COG6: variants seen among roughly 807,000 people sequenced by gnomAD.
COG6 encodes the protein conserved oligomeric Golgi complex subunit 6.
Under a neutral mutation model 88.8 loss-of-function variants are expected in COG6, and 74 were observed. The observed-to-expected ratio is 0.83, with a 90% CI of 0.69 to 1.01. The LOEUF is 1.01. COG6 is among the 50% of genes least tolerant of loss of function. The probability of loss-of-function intolerance (pLI) is 0.00; values close to 1 mark genes in which losing one functional copy is unlikely to be tolerated. For synonymous variants in COG6, 286 were observed against 278.7 expected (o/e 1.03, Z -0.26); for missense variants, 800 against 797.9 (o/e 1.00, Z -0.03).
At chr13:39,683,891 C>A (rs1333710210) in intron 8 of COG6, among the ~76,000 whole-genome samples, 1 of 152,056 alleles carries the variant, frequency 6.6e-6, no homozygotes, top group African/African-American at 2.4e-5. Flanking sequence ...AAGGTGGGTT[C>A]TTGAGTCAAA....
rs1880638754 is a variant in COG6, at chr13:39,751,636, C to T, written c.*543C>T. On this transcript the variant is annotated 3_prime_UTR_variant, in exon 19 of 19. Coordinates refer to ENST00000455146, the MANE Select transcript of COG6 (RefSeq NM_020751.3). The stretch of plus-strand genomic sequence containing the variant: ...GAGAAAAATAACAGTGAATGTGCTC[C>T]TGGTGTATATGGCAGTGAATCTCCT... The T allele has an allele frequency of 7.8e-7, 1 of 1,286,978 alleles. No homozygotes were observed. Among genetic ancestry groups the T allele is most frequent in the Non-Finnish European group, 1.0e-6 (1 of 988,586 alleles). The allele number at this position is 1,286,978 out of a possible 1,614,324, so 79.7% of individuals were successfully genotyped here.
intron 17 of COG6, among the ~76,000 whole-genome samples, chr13:39,726,454 C>T (rs1409776589): frequency 2.6e-5 from 4 of 151,742 alleles, no homozygotes; most frequent in South Asian, 2.1e-4. Context: ...GGAGTCCATC[C>T]CTTCATTCTA....
chr13:39,751,234 T>G lies in COG6; in HGVS notation c.*141T>G, dbSNP rs1453594193. 1.8e-5 allele frequency: 27 copies of G among 1,517,348 alleles called. No individual in the cohort carries two copies. Among genetic ancestry groups the G allele is most frequent in the Non-Finnish European group, 2.3e-5 (26 of 1,138,016 alleles). The allele number at this position is 1,517,348 out of a possible 1,614,324, so 94.0% of individuals were successfully genotyped here. A position where few individuals can be genotyped will look rare whatever the true frequency, so the allele number is the denominator to read the frequency against. On this transcript the variant is annotated 3_prime_UTR_variant, in exon 19 of 19. Transcript: ENST00000455146. ...AGATTGTAAGTCCCGATAATTTTTTTTTTTTTGGTCTCAGTAACAGGGAAG... is the reference window on the plus strand; with the variant it reads ...AGATTGTAAGTCCCGATAATTTTTTGTTTTTTGGTCTCAGTAACAGGGAAG...
intron 2 of COG6, 41 bp downstream of exon 2, chr13:39,659,548 C>T (rs1874762321): frequency 6.4e-7 from 1 of 1,556,130 alleles, no homozygotes; most frequent in Non-Finnish European, 8.8e-7. Context: ...TGAGAACTTA[C>T]TATTACGCCT....
Position 39,723,371 on chromosome 13 carries a change from C to A in COG6, c.1623C>A (p.Ala541=), listed in dbSNP as rs776252594. ...AHLDTLINEQ[A]SYVLTRVGLS... ...TGGACACACTTATAAATGAGCAAGC[C>A]TCTTATGTTTTAACTAGGGTAGGCT... The change falls in exon 16 of 19, where the codon GCC becomes GCA. Residue 541 remains alanine (A), a synonymous_variant. Coordinates refer to ENST00000455146, the MANE Select transcript of COG6 (RefSeq NM_020751.3). 6.2e-7 allele frequency: 1 copy of A among 1,611,440 alleles called. No homozygotes were observed. Among genetic ancestry groups the A allele is most frequent in the South Asian group, 1.1e-5 (1 of 91,048 alleles).
intron 18 of COG6, among the ~76,000 whole-genome samples, chr13:39,776,178 C>G (rs2138182884): frequency 6.6e-6 from 1 of 152,212 alleles, no homozygotes; most frequent in African/African-American, 2.4e-5. Flanking sequence ...TCAGCACTTT[C>G]CTTCCAGTGT....
At chr13:39,716,549 G>C (rs1013776076) in intron 13 of COG6, among the ~76,000 whole-genome samples, 12 of 151,592 alleles carry the variant, frequency 7.9e-5, no homozygotes, top group Non-Finnish European at 1.3e-4. Flanking sequence ...TTTGTTTTCT[G>C]TATGTCTTAA....
At chr13:39,658,552 C>T (rs1874681458) in intron 1 of COG6, among the ~76,000 whole-genome samples, 1 of 152,092 alleles carries the variant, frequency 6.6e-6, no homozygotes, top group Admixed American at 6.5e-5. Context: ...TTCTTGTACC[C>T]CTTTACCATT....
rs996658349 is a variant in COG6, at chr13:39,694,634, G to T, written c.1075G>T (p.Val359Phe). ...ACTTTCCTCTCACATATTTTAATAG[G>T]TTCGAATTGAGCAAGTAATAGTTGC... is the stretch of plus-strand genomic sequence containing the variant. Reference protein sequence around the residue: ...ITEGVCRPLKVRIEQVIVAEP... With the variant: ...ITEGVCRPLKFRIEQVIVAEP... Residue 359 changes from valine to phenylalanine, a missense_variant and splice_region_variant, in exon 12 of 19, where the codon GTT becomes TTT. Transcript: ENST00000455146. 1.8e-5 allele frequency: 28 copies of T among 1,570,082 alleles called. No individual in the cohort carries two copies. The highest frequency in any genetic ancestry group is 2.4e-5 in the Non-Finnish European group (27 of 1,142,450).
At chr13:39,774,561 T>C (rs1019148624) in intron 18 of COG6, among the ~76,000 whole-genome samples, 1 of 151,924 alleles carries the variant, frequency 6.6e-6, no homozygotes, top group African/African-American at 2.4e-5. Flanking sequence ...TTCACAAAGT[T>C]GGAAAAAAAT....
rs753608296 is a variant in COG6, at chr13:39,723,314, T to C, written c.1585-19T>C. The C allele has an allele frequency of 1.9e-5, 28 of 1,480,842 alleles. 1 individual carries two copies. In the South Asian group the frequency reaches 3.1e-4, roughly 16 times the overall value. The allele number at this position is 1,480,842 out of a possible 1,614,324, so 91.7% of individuals were successfully genotyped here. On this transcript the variant is annotated intron_variant, in intron 15 of 18. Coordinates refer to ENST00000455146, the MANE Select transcript of COG6 (RefSeq NM_020751.3). ...GTGTCATTCTTCTTTTAAAATGTTT[T>C]CTTTGTGTTTTATTTTAGATCGAAG...
At chr13:39,692,543 C>G (rs1432358404) in intron 11 of COG6, among the ~76,000 whole-genome samples, 1 of 152,024 alleles carries the variant, frequency 6.6e-6, no homozygotes, top group Non-Finnish European at 1.5e-5. Context: ...GATGTCTACC[C>G]TGAGCAGCTG....
At chr13:39,719,450 T>C in intron 14 of COG6, 83 bp downstream of exon 14, 2 of 1,397,002 alleles carry the variant, frequency 1.4e-6, no homozygotes, top group Non-Finnish European at 2.0e-6. Context: ...TTGTAATTCA[T>C]ATACTTTGAC....
At chr13:39,745,956 C>T (rs761628608) in intron 18 of COG6, among the ~76,000 whole-genome samples, 16 of 152,024 alleles carry the variant, frequency 1.1e-4, no homozygotes, top group Admixed American at 1.3e-4. Context: ...TGCTGGAAAC[C>T]ATCATTCTAA....
chr13:39,790,107 C>A (rs371402686), exon 19 of COG6: 2 of 152,232 alleles, frequency 1.3e-5, no homozygotes, highest in African/African-American at 2.4e-5. Context: ...TTATTAAATT[C>A]TCCCTTGTGT....
intron 18 of COG6, among the ~76,000 whole-genome samples, chr13:39,734,847 A>G (rs2138109446): frequency 6.6e-6 from 1 of 152,246 alleles, no homozygotes; most frequent in South Asian, 2.1e-4. Flanking sequence ...TTATCATTAT[A>G]TACTGAACTT....
intron 1 of COG6, 117 bp downstream of exon 1, chr13:39,655,996 G>A: frequency 7.7e-7 from 1 of 1,296,292 alleles, no homozygotes; most frequent in South Asian, 1.3e-5. Flanking sequence ...GAGGGACCGC[G>A]AGTGACCCCA....
Position 39,751,332 on chromosome 13 carries a change from C to G in COG6, c.*239C>G, listed in dbSNP as rs1460181610. 2 of 1,457,052 alleles carry G rather than the reference C, an allele frequency of 1.4e-6. No individual in the cohort carries two copies. The highest frequency in any genetic ancestry group is 2.8e-5 in the African/African-American group (2 of 71,236). 90.3% of individuals were successfully genotyped at this position (1,457,052 alleles called of 1,614,324 possible). On this transcript the variant is annotated 3_prime_UTR_variant, in exon 19 of 19. Transcript: ENST00000455146. ...ATGAGATGATCTATTTTTTTGCTAG[C>G]CATCTCTCCAGCTCTGCAGTTTTCA...
At chr13:39,699,727 T>C (rs1396320196) in intron 13 of COG6, 109 bp downstream of exon 13, 3 of 679,084 alleles carry the variant, frequency 4.4e-6, no homozygotes, top group East Asian at 2.7e-5. Context: ...CTGTGTTCTT[T>C]TGAGTTCTTC....
Sources: allele counts gnomAD v4.1 joint callset (sites outside exome capture counted in the v4.1 genomes callset), GRCh38; gene constraint gnomAD v4.1.1; transcripts MANE v1.5; gene names NCBI Gene and HGNC (gene_info 2026-07-23, HGNC 2026-07-21).